PTPRD: variants seen among roughly 807,000 people sequenced by gnomAD.
PTPRD encodes the protein protein tyrosine phosphatase receptor type D, also known as receptor-type tyrosine-protein phosphatase delta.
In PTPRD, 34 loss-of-function variants were observed where a neutral mutation model predicts 214.5. The observed-to-expected ratio is 0.16, with a 90% confidence interval of 0.12 to 0.21. The LOEUF (loss-of-function observed/expected upper bound fraction) is 0.21. Among genes scored for constraint, PTPRD ranks in the 10% least tolerant of loss-of-function variants. PTPRD has a pLI of 1.00. For synonymous variants in PTPRD, 1,128 were observed against 845.7 expected, an observed-to-expected ratio of 1.33 and a Z score of -5.79; for missense variants, 2,545 against 2,398.7, an observed-to-expected ratio of 1.06 and a Z score of -1.27.
chr9:9,133,217 G>A (rs1008968921), intron 10 of PTPRD, among the ~76,000 whole-genome samples: 6 of 152,154 alleles, frequency 3.9e-5, no homozygotes, highest in Admixed American at 3.9e-4. Context: ...TTACACAGAG[G>A]TAGGGCAGGT....
intron 2 of PTPRD, among the ~76,000 whole-genome samples, chr9:10,412,302 T>A (rs377749998): frequency 5.9e-5 from 9 of 151,580 alleles, no homozygotes; most frequent in African/African-American, 2.2e-4. Flanking sequence ...GCACACAAAA[T>A]AGAAAACCTA....
intron 6 of PTPRD, among the ~76,000 whole-genome samples, chr9:9,745,546 C>T (rs566305325): frequency 6.6e-6 from 1 of 152,174 alleles, no homozygotes; most frequent in Admixed American, 6.5e-5. Flanking sequence ...AGCTGTGTTC[C>T]CATGATTTTT....
At position 8,736,879 on chromosome 9, in the gene PTPRD, G is replaced by A. The variant is rs571418538; in HGVS notation, c.-103-2933C>T. Among the ~76,000 whole-genome samples, 15 of 152,184 alleles carry A rather than the reference G, an allele frequency of 9.9e-5. 1 individual carries two copies. In the South Asian group the frequency reaches 3.1e-3, roughly 32 times the overall value. ...ATGTTAAAAATCTCAAAAGTTCATTGGAAAAGTGCTAAAGGAATCAGCTCT... is the reference window on the plus strand; with the variant it reads ...ATGTTAAAAATCTCAAAAGTTCATTAGAAAAGTGCTAAAGGAATCAGCTCT... On this transcript the variant is annotated intron_variant, in intron 11 of 45. Transcript: ENST00000381196.
At chr9:10,241,606 G>A (rs1215918189) in intron 3 of PTPRD, among the ~76,000 whole-genome samples, 2 of 151,910 alleles carry the variant, frequency 1.3e-5, no homozygotes, top group African/African-American at 4.8e-5. Flanking sequence ...CACATTGCAT[G>A]ATTTCAATCA....
At position 10,488,262 on chromosome 9, in the gene PTPRD, G is replaced by C. The variant is rs2099146080; in HGVS notation, c.-600+124136C>G. ...GGCGCCTGTAGTCCCAGCTACTCAG[G>C]AGGCTGAGGCAGGAGAATGGCACGA... On this transcript the variant is annotated intron_variant, in intron 2 of 45. Transcript: ENST00000381196. 1.3e-5 allele frequency among the ~76,000 whole-genome samples: 2 copies of C among 151,798 alleles called. 1 individual carries two copies. Among genetic ancestry groups the C allele is most frequent in the Middle Eastern group, 6.8e-3 (2 of 294 alleles).
intron 3 of PTPRD, among the ~76,000 whole-genome samples, chr9:10,269,410 T>G (rs11790021): frequency 0.082 from 12,493 of 152,288 alleles, 660 homozygotes; most frequent in Non-Finnish European, 0.11. Flanking sequence ...TATATGTGCA[T>G]GTGTAAGTTT....
At chr9:9,528,945 T>TG (rs2074820188) in intron 8 of PTPRD, among the ~76,000 whole-genome samples, 1 of 150,490 alleles carries the variant, frequency 6.6e-6, no homozygotes, top group Non-Finnish European at 1.5e-5. Context: ...TTTCTTTTTT[T>TG]TTTTTTTTTT....
intron 6 of PTPRD, among the ~76,000 whole-genome samples, chr9:9,756,985 T>C (rs912073677): frequency 3.9e-5 from 6 of 152,192 alleles, no homozygotes; most frequent in Non-Finnish European, 7.3e-5. Flanking sequence ...AAGAATGTGT[T>C]TCATAAAATA....
At chr9:9,185,668 G>A (rs1307818846) in intron 9 of PTPRD, among the ~76,000 whole-genome samples, 2 of 151,978 alleles carry the variant, frequency 1.3e-5, no homozygotes, top group Non-Finnish European at 2.9e-5. Flanking sequence ...AAATCCTCAG[G>A]CTCTATTCCA....
At chr9:9,595,793 G>A (rs2093301879) in intron 7 of PTPRD, among the ~76,000 whole-genome samples, 1 of 151,782 alleles carries the variant, frequency 6.6e-6, no homozygotes, top group Admixed American at 6.6e-5. Flanking sequence ...GGACTCAGGG[G>A]GAAAGGGTGG....
intron 5 of PTPRD, among the ~76,000 whole-genome samples, chr9:9,796,980 G>T (rs890151365): frequency 7.9e-5 from 12 of 152,126 alleles, no homozygotes; most frequent in African/African-American, 2.7e-4. Context: ...TAAACTCAGT[G>T]TAAGAAGTTT....
intron 3 of PTPRD, among the ~76,000 whole-genome samples, chr9:10,049,609 C>T (rs1387133733): frequency 6.6e-6 from 1 of 152,090 alleles, no homozygotes; most frequent in Non-Finnish European, 1.5e-5. Flanking sequence ...AGTTAATTTG[C>T]TATATATACT....
At chr9:10,609,125 T>C (rs1440846711) in intron 2 of PTPRD, among the ~76,000 whole-genome samples, 1 of 152,174 alleles carries the variant, frequency 6.6e-6, no homozygotes, top group Admixed American at 6.5e-5. Flanking sequence ...AGCCCAAAAA[T>C]ATGTAACTGA....
At chr9:10,423,629 A>C (rs2098576825) in intron 2 of PTPRD, among the ~76,000 whole-genome samples, 1 of 151,900 alleles carries the variant, frequency 6.6e-6, no homozygotes, top group Non-Finnish European at 1.5e-5. Context: ...AAAAGTAGCA[A>C]CACTGCAAGT....
intron 37 of PTPRD, among the ~76,000 whole-genome samples, chr9:8,386,522 A>C (rs78753830): frequency 0.2 from 30,772 of 152,038 alleles, 3,693 homozygotes; most frequent in Non-Finnish European, 0.27. Flanking sequence ...TTGGAGAGGT[A>C]ATTTGTTTAC....
intron 42 of PTPRD, 126 bp downstream of exon 42, chr9:8,340,217 G>A (rs775590955): frequency 6.3e-5 from 69 of 1,101,088 alleles, no homozygotes; most frequent in South Asian, 1.6e-4. Context: ...ATGATGGTCC[G>A]GATTATGTCC....
At chr9:9,317,699 A>G (rs1162408371) in intron 9 of PTPRD, among the ~76,000 whole-genome samples, 1 of 152,132 alleles carries the variant, frequency 6.6e-6, no homozygotes, top group Non-Finnish European at 1.5e-5. Flanking sequence ...TAAATCCTTT[A>G]ATAATTTTTC....
intron 11 of PTPRD, among the ~76,000 whole-genome samples, chr9:8,907,531 A>ATATAT (rs1303243388): frequency 1.0e-3 from 132 of 126,952 alleles, no homozygotes; most frequent in East Asian, 8.4e-3. Flanking sequence ...AAAAAAAAAA[A>ATATAT]AAATATATAT....
At chr9:9,271,783 G>T (rs1278599575) in intron 9 of PTPRD, among the ~76,000 whole-genome samples, 1 of 151,314 alleles carries the variant, frequency 6.6e-6, no homozygotes, top group African/African-American at 2.4e-5. Flanking sequence ...TTTAAAAAAA[G>T]AAGAAATTTA....
Sources: gnomAD v4.1 joint callset for allele counts (sites outside exome capture counted in the v4.1 genomes callset) on GRCh38, gnomAD v4.1.1 for gene constraint, MANE v1.5 for transcripts, NCBI Gene and HGNC (gene_info 2026-07-23, HGNC 2026-07-21) for gene names.